The following LCORL variants were observed in gnomAD, a reference collection of about 807,000 sequenced individuals.
LCORL encodes the protein ligand dependent nuclear receptor corepressor like.
Under a neutral mutation model 141.8 loss-of-function variants are expected in LCORL, and 41 were observed. That is an observed-to-expected ratio of 0.29 (90% CI 0.23 to 0.38). The LOEUF (loss-of-function observed/expected upper bound fraction) is 0.38. Ranked by LOEUF, LCORL falls within the 10% of genes least tolerant of loss-of-function variation. The pLI is 1.00. For synonymous variants in LCORL, 618 were observed against 694.1 expected (o/e 0.89, Z 1.72); for missense variants, 1,759 against 2,035.0 (o/e 0.86, Z 2.61).
At chr4:17,922,698 C>T (rs146583388) in intron 4 of LCORL, among the ~76,000 whole-genome samples, 1 of 152,112 alleles carries the variant, frequency 6.6e-6, no homozygotes, top group Admixed American at 6.5e-5. Context: ...CACACACAGC[C>T]TCGCAAGGTA....
chr4:18,019,564 C>G (rs1027537219), intron 1 of LCORL, among the ~76,000 whole-genome samples: 1 of 152,156 alleles, frequency 6.6e-6, no homozygotes, highest in African/African-American at 2.4e-5. Context: ...AAAAGATATT[C>G]TAGTCCCCTT....
intron 2 of LCORL, among the ~76,000 whole-genome samples, chr4:17,970,590 C>A (rs967439040): frequency 2.0e-5 from 3 of 152,160 alleles, no homozygotes; most frequent in African/African-American, 7.2e-5. Flanking sequence ...AGACAGCAGC[C>A]AGGAGCCCAA....
chr4:17,936,125 C>T (rs1736813978), intron 4 of LCORL, among the ~76,000 whole-genome samples: 1 of 152,012 alleles, frequency 6.6e-6, no homozygotes, highest in African/African-American at 2.4e-5. Context: ...AATTCAAAGA[C>T]ATTTTCAATA....
exon 7 of LCORL, chr4:17,878,132 C>T: frequency 2.4e-6 from 3 of 1,230,398 alleles, no homozygotes; most frequent in South Asian, 4.1e-5. Context: ...GATGTATGCA[C>T]AAAGATTCCA....
chr4:17,866,959 G>A, intron 7 of LCORL: 1 of 984,072 alleles, frequency 1.0e-6, no homozygotes, highest in Non-Finnish European at 1.2e-6. Context: ...GCAGGTGGTA[G>A]CAGCTGGTTA....
At chr4:17,899,876 A>G (rs1730613612) in intron 5 of LCORL, among the ~76,000 whole-genome samples, 2 of 152,182 alleles carry the variant, frequency 1.3e-5, no homozygotes, top group South Asian at 4.1e-4. Context: ...GACTGCTTGT[A>G]TAAGGTGTAT....
intron 5 of LCORL, among the ~76,000 whole-genome samples, chr4:17,897,484 T>C (rs942559901): frequency 6.6e-6 from 1 of 152,016 alleles, no homozygotes; most frequent in African/African-American, 2.4e-5. Flanking sequence ...TTTCTTTAAA[T>C]GATTTGGTTG....
chr4:17,857,746 A>G (rs1724530941), intron 7 of LCORL, among the ~76,000 whole-genome samples: 1 of 152,254 alleles, frequency 6.6e-6, no homozygotes, highest in African/African-American at 2.4e-5. Context: ...ATGTCTCTGT[A>G]TATGCCCAAA....
rs1160810088 is a variant in LCORL, at chr4:17,874,317, T to C, written c.4673A>G (p.Lys1558Arg). 1.9e-5 allele frequency: 24 copies of C among 1,233,818 alleles called. No individual in the cohort carries two copies. In the Admixed American group the frequency reaches 9.3e-4, roughly 48 times the overall value. The allele number at this position is 1,233,818 out of a possible 1,614,324, so 76.4% of individuals were successfully genotyped here. ...TTTTGAAGGAGAAGAGAGTGCAAATTTTTTAAAGTGCTTTCTGAAGGGGCT... is the reference window on the plus strand; with the variant it reads ...TTTTGAAGGAGAAGAGAGTGCAAATCTTTTAAAGTGCTTTCTGAAGGGGCT... The change falls in exon 7 of 8, where the codon AAA (lysine) becomes AGA (arginine). Residue 1558 changes from lysine (K) to arginine (R), a missense_variant. Transcript: ENST00000635767.
At chr4:17,984,982 TTGC>T (rs1486552586) in intron 1 of LCORL, among the ~76,000 whole-genome samples, 1 of 152,118 alleles carries the variant, frequency 6.6e-6, no homozygotes, top group African/African-American at 2.4e-5. Context: ...TTCACAGAAC[TTGC>T]TGATTTTTGC....
At chr4:17,880,690 A>G in intron 6 of LCORL, 1 of 978,898 alleles carries the variant, frequency 1.0e-6, no homozygotes, top group Non-Finnish European at 1.2e-6. Flanking sequence ...AAAGCATTGA[A>G]GTGCTTTACT....
intron 4 of LCORL, among the ~76,000 whole-genome samples, chr4:17,919,042 T>C (rs888144001): frequency 6.6e-6 from 1 of 151,902 alleles, no homozygotes; most frequent in Non-Finnish European, 1.5e-5. Context: ...TGAGTTATTT[T>C]CTAAAACCAG....
exon 7 of LCORL, chr4:17,875,888 G>A (rs1726866060): frequency 1.6e-6 from 2 of 1,231,102 alleles, no homozygotes; most frequent in Non-Finnish European, 2.0e-6. Context: ...GACTGAATTT[G>A]TTTAGTTCTC....
chr4:17,948,514 C>T (rs1369905075), intron 4 of LCORL, among the ~76,000 whole-genome samples: 1 of 151,964 alleles, frequency 6.6e-6, no homozygotes, highest in Non-Finnish European at 1.5e-5. Flanking sequence ...TACATATTAC[C>T]TCCTTTGAAA....
intron 5 of LCORL, among the ~76,000 whole-genome samples, chr4:17,900,840 T>C (rs944206127): frequency 6.6e-6 from 1 of 151,810 alleles, no homozygotes; most frequent in Non-Finnish European, 1.5e-5. Flanking sequence ...GAAATAAAAG[T>C]GAGAGTAAAA....
intron 1 of LCORL, among the ~76,000 whole-genome samples, chr4:17,992,850 T>C (rs1421190416): frequency 6.6e-6 from 1 of 152,212 alleles, no homozygotes; most frequent in African/African-American, 2.4e-5. Context: ...CTTTATACTT[T>C]GTTAGAATTT....
intron 1 of LCORL, among the ~76,000 whole-genome samples, chr4:18,000,623 G>A (rs1721800918): frequency 6.6e-6 from 1 of 152,162 alleles, no homozygotes; most frequent in Admixed American, 6.5e-5. Flanking sequence ...GCAACCACAT[G>A]AATGAATTAC....
chr4:17,886,302 T>G (rs1325530430), intron 5 of LCORL, 141 bp from the exon 6 acceptor site: 1 of 582,396 alleles, frequency 1.7e-6, no homozygotes, highest in Non-Finnish European at 3.0e-6. Flanking sequence ...TAAACGGGTT[T>G]AGGAACAGGA....
chr4:17,942,945 G>A (rs1241967621), intron 4 of LCORL, among the ~76,000 whole-genome samples: 1 of 152,112 alleles, frequency 6.6e-6, no homozygotes, highest in Non-Finnish European at 1.5e-5. Context: ...ATTGTGAACT[G>A]TGCATGAGAG....
Sources: gnomAD v4.1 joint callset for allele counts (sites outside exome capture counted in the v4.1 genomes callset) on GRCh38, gnomAD v4.1.1 for gene constraint, MANE v1.5 for transcripts, NCBI Gene and HGNC (gene_info 2026-07-23, HGNC 2026-07-21) for gene names.